The following PLCB4 variants were observed in gnomAD, a reference collection of about 807,000 sequenced individuals.
The protein encoded by PLCB4 is phospholipase C beta 4.
PLCB4 carries 77 observed loss-of-function variants against 178.8 expected under a neutral mutation model. The ratio of observed to expected loss-of-function variants is 0.43; its 90% confidence interval spans 0.36 to 0.52. The LOEUF (loss-of-function observed/expected upper bound fraction) is 0.52, where lower values mean the gene tolerates loss of function less well. Among genes scored for constraint, PLCB4 ranks in the 20% least tolerant of loss-of-function variants. The pLI is 0.00. For missense variants in PLCB4, 1,024 were observed against 1,453.4 expected (o/e 0.70, Z 4.80); for synonymous variants, 496 against 490.8 (o/e 1.01, Z -0.14).
chr20:9,108,143 C>A (rs1305988360), intron 2 of PLCB4, among the ~76,000 whole-genome samples: 2 of 152,046 alleles, frequency 1.3e-5, no homozygotes, highest in Admixed American at 1.3e-4. Flanking sequence ...TCATGATTCC[C>A]ATTAGGTGTC....
intron 3 of PLCB4, among the ~76,000 whole-genome samples, chr20:9,255,261 T>C (rs2094221384): frequency 6.6e-6 from 1 of 152,186 alleles, no homozygotes; most frequent in Non-Finnish European, 1.5e-5. Context: ...ATACCCAAAG[T>C]CATAAGAATT....
chr20:9,371,518 G>C (rs1421441884), intron 10 of PLCB4, among the ~76,000 whole-genome samples: 1 of 151,334 alleles, frequency 6.6e-6, no homozygotes, highest in Non-Finnish European at 1.5e-5. Flanking sequence ...TGTTGCCTGG[G>C]CATTTTAACC....
intron 1 of PLCB4, among the ~76,000 whole-genome samples, chr20:9,079,848 C>G (rs796413134): frequency 1.3e-5 from 2 of 151,564 alleles, no homozygotes; most frequent in Admixed American, 6.6e-5. Context: ...TTTTAGTTCC[C>G]TTTGGAAGGG....
chr20:9,443,152 G>A (rs2042213259), intron 30 of PLCB4, among the ~76,000 whole-genome samples: 1 of 152,162 alleles, frequency 6.6e-6, no homozygotes, highest in Non-Finnish European at 1.5e-5. Context: ...GTATGCTCCT[G>A]TTATACACTG....
chr20:9,288,389 C>T (rs182774528), intron 3 of PLCB4, among the ~76,000 whole-genome samples: 13 of 147,842 alleles, frequency 8.8e-5, no homozygotes, highest in Admixed American at 3.4e-4. Flanking sequence ...AGGCCTTTTT[C>T]CTTTGTCCTG....
At chr20:9,413,153 G>A (rs773146159) in intron 25 of PLCB4, among the ~76,000 whole-genome samples, 20 of 152,154 alleles carry the variant, frequency 1.3e-4, no homozygotes, top group Admixed American at 6.5e-4. Context: ...AGGACCCGTC[G>A]GGCATGGCTG....
At chr20:9,231,061 T>G (rs965418368) in intron 3 of PLCB4, among the ~76,000 whole-genome samples, 3 of 152,154 alleles carry the variant, frequency 2.0e-5, no homozygotes, top group African/African-American at 7.2e-5. Context: ...TATTTATGGG[T>G]GGTACTTCTG....
chr20:9,440,011 G>T (rs1490374440), intron 30 of PLCB4, among the ~76,000 whole-genome samples: 1 of 152,170 alleles, frequency 6.6e-6, no homozygotes, highest in Non-Finnish European at 1.5e-5. Context: ...CAAATGTTTG[G>T]GGTTCAGCTA....
chr20:9,282,535 G>C (rs1180292001), intron 3 of PLCB4, among the ~76,000 whole-genome samples: 1 of 151,708 alleles, frequency 6.6e-6, no homozygotes, highest in Non-Finnish European at 1.5e-5. Flanking sequence ...CTTCTTCCCT[G>C]TATCTCCTTA....
chr20:9,372,225 G>T (rs769071287), intron 10 of PLCB4, 78 bp from the exon 11 acceptor site: 48 of 801,360 alleles, frequency 6.0e-5, no homozygotes, highest in Non-Finnish European at 9.0e-5. Context: ...TCTTCACTGT[G>T]CTTCATGACC....
chr20:9,207,344 CA>C (rs1054086441), intron 2 of PLCB4, among the ~76,000 whole-genome samples: 1 of 152,220 alleles, frequency 6.6e-6, no homozygotes, highest in Non-Finnish European at 1.5e-5. Flanking sequence ...AGTACATTAA[CA>C]GTCCTTGGTT....
chr20:9,209,742 G>A (rs1425238304), intron 2 of PLCB4, among the ~76,000 whole-genome samples: 1 of 151,992 alleles, frequency 6.6e-6, no homozygotes, highest in Non-Finnish European at 1.5e-5. Context: ...AGCCTTGTAA[G>A]ATGCTGAGCA....
chr20:9,307,365 C>A (rs1211421402), intron 3 of PLCB4, among the ~76,000 whole-genome samples: 1 of 152,142 alleles, frequency 6.6e-6, no homozygotes, highest in Non-Finnish European at 1.5e-5. Flanking sequence ...CCTGTGGGCT[C>A]CTCCTGCCCA....
At chr20:9,387,719 C>T (rs2148396158) in intron 15 of PLCB4, among the ~76,000 whole-genome samples, 163 bp downstream of exon 15, 1 of 152,350 alleles carries the variant, frequency 6.6e-6, no homozygotes, top group South Asian at 2.1e-4. Context: ...ATCTTTTCCA[C>T]TGAACGTCCC....
chr20:9,448,668 A>G (rs895710054), intron 32 of PLCB4, among the ~76,000 whole-genome samples: 2 of 142,482 alleles, frequency 1.4e-5, no homozygotes, highest in African/African-American at 5.2e-5. Context: ...TCAGCGTTTT[A>G]TGTGTGGCCC....
At chr20:9,456,827 G>C (rs6086887) in intron 33 of PLCB4, among the ~76,000 whole-genome samples, 2 of 152,156 alleles carry the variant, frequency 1.3e-5, no homozygotes, top group Non-Finnish European at 2.9e-5. Context: ...ATGAAGCTCA[G>C]GACCTGTTCT....
chr20:9,338,937 A>G lies in PLCB4; in HGVS notation c.269A>G (p.Glu90Gly), dbSNP rs929071645. Residue 90 changes from glutamate (E) to glycine (G), a missense_variant, in exon 7 of 40, where the codon GAA becomes GGA. Transcript: ENST00000378473. ...GCTCTTGAAGCTGTTGGAAAATCAG[A>G]AAATGATCTGGAAGGGCGGATAGTT... ...LAALEAVGKS[E>G]NDLEGRIVCV... The G allele has an allele frequency of 2.5e-6, 4 of 1,613,428 alleles. No individual in the cohort carries two copies. The highest frequency in any genetic ancestry group is 3.4e-6 in the Non-Finnish European group (4 of 1,179,612).
chr20:9,198,286 A>C (rs1601083173), intron 2 of PLCB4, among the ~76,000 whole-genome samples: 3 of 152,214 alleles, frequency 2.0e-5, no homozygotes, highest in African/African-American at 7.2e-5. Flanking sequence ...TCTCAAAACA[A>C]ATACAGTAGA....
intron 2 of PLCB4, among the ~76,000 whole-genome samples, chr20:9,129,850 G>A (rs539571329): frequency 9.8e-4 from 149 of 152,224 alleles, no homozygotes; most frequent in African/African-American, 3.5e-3. Context: ...GCTGGATCCC[G>A]AAGAAAGAAG....
Sources: allele counts gnomAD v4.1 joint callset (sites outside exome capture counted in the v4.1 genomes callset), GRCh38; gene constraint gnomAD v4.1.1; transcripts MANE v1.5; gene names NCBI Gene and HGNC (gene_info 2026-07-23, HGNC 2026-07-21).